Variants in MACROD2 observed in about 807,000 individuals in gnomAD.
MACROD2 encodes mono-ADP ribosylhydrolase 2.
Under a neutral mutation model 70.4 loss-of-function variants are expected in MACROD2, and 36 were observed. The observed-to-expected ratio is 0.51, with a 90% CI of 0.39 to 0.68. MACROD2 has a LOEUF of 0.68. Among genes scored for constraint, MACROD2 ranks in the 30% least tolerant of loss-of-function variants. MACROD2 has a pLI of 0.00. For synonymous variants in MACROD2, 172 were observed against 178.8 expected, an observed-to-expected ratio of 0.96 and a Z score of 0.30; for missense variants, 496 against 538.4, an observed-to-expected ratio of 0.92 and a Z score of 0.78.
At chr20:14,046,187 A>G (rs1450983181) in intron 2 of MACROD2, among the ~76,000 whole-genome samples, 2 of 152,216 alleles carry the variant, frequency 1.3e-5, no homozygotes, top group East Asian at 1.9e-4. Flanking sequence ...AACCTTTTTT[A>G]GCAGCCAGAA....
intron 8 of MACROD2, among the ~76,000 whole-genome samples, chr20:15,681,236 C>CTA (rs1734873203): frequency 6.6e-6 from 1 of 152,186 alleles, no homozygotes; most frequent in African/African-American, 2.4e-5. Flanking sequence ...ACTCTTCTAG[C>CTA]CAAGTCTTCA....
At chr20:15,403,886 C>T (rs116158017) in intron 6 of MACROD2, among the ~76,000 whole-genome samples, 2,248 of 152,288 alleles carry the variant, frequency 0.015, 45 homozygotes, top group African/African-American at 0.043. Flanking sequence ...AAAATAAATT[C>T]ATATTTGTTT....
At chr20:14,009,506 A>G (rs1298600834) in intron 2 of MACROD2, among the ~76,000 whole-genome samples, 1 of 152,184 alleles carries the variant, frequency 6.6e-6, no homozygotes, top group Non-Finnish European at 1.5e-5. Context: ...ACACTGATAC[A>G]CTGTTGGTGG....
chr20:15,482,591 A>G (rs2047112805), intron 7 of MACROD2, among the ~76,000 whole-genome samples: 1 of 152,194 alleles, frequency 6.6e-6, no homozygotes, highest in Non-Finnish European at 1.5e-5. Flanking sequence ...CCAAGGTGTG[A>G]GATTGCTGGG....
At chr20:14,524,505 A>G (rs562919903) in intron 4 of MACROD2, among the ~76,000 whole-genome samples, 179 of 147,670 alleles carry the variant, frequency 1.2e-3, no homozygotes, top group African/African-American at 4.4e-3. Flanking sequence ...TTGGAATCTC[A>G]CTTTTGTTTT....
chr20:14,627,255 GA>G (rs1984229698), intron 4 of MACROD2: 1 of 152,164 alleles, frequency 6.6e-6, no homozygotes, highest in African/African-American at 2.4e-5. Flanking sequence ...GCCTGATGAT[GA>G]TTCAAAACTA....
chr20:15,341,337 AAATT>A (rs1170879020), intron 6 of MACROD2, among the ~76,000 whole-genome samples: 2 of 152,146 alleles, frequency 1.3e-5, no homozygotes, highest in African/African-American at 2.4e-5. Context: ...AATAATTTTA[AAATT>A]AATTAACTTA....
chr20:14,226,414 TGAG>T (rs1176780579), intron 3 of MACROD2, among the ~76,000 whole-genome samples: 1 of 152,210 alleles, frequency 6.6e-6, no homozygotes, highest in Non-Finnish European at 1.5e-5. Flanking sequence ...TGGCGGCACT[TGAG>T]GAGCACTTCA....
intron 5 of MACROD2, among the ~76,000 whole-genome samples, chr20:15,013,322 A>C (rs1428967900): frequency 6.6e-6 from 1 of 152,126 alleles, no homozygotes; most frequent in African/African-American, 2.4e-5. Context: ...GAATAGTCAA[A>C]AGTAAGCCTG....
At chr20:14,276,793 G>C (rs1050445400) in intron 3 of MACROD2, among the ~76,000 whole-genome samples, 1 of 152,082 alleles carries the variant, frequency 6.6e-6, no homozygotes, top group African/African-American at 2.4e-5. Context: ...TCTGACATCT[G>C]ACATGTTGTG....
chr20:15,090,987 T>C (rs1422628445), intron 5 of MACROD2, among the ~76,000 whole-genome samples: 2 of 151,880 alleles, frequency 1.3e-5, no homozygotes, highest in East Asian at 1.9e-4. Context: ...AATGAAGAAA[T>C]AGAGAAAATA....
At chr20:14,317,333 T>A (rs776648255) in intron 3 of MACROD2, among the ~76,000 whole-genome samples, 5 of 152,108 alleles carry the variant, frequency 3.3e-5, no homozygotes, top group Non-Finnish European at 7.4e-5. Flanking sequence ...AATATCTGGA[T>A]TCCTGGGTGG....
intron 4 of MACROD2, among the ~76,000 whole-genome samples, chr20:14,588,198 T>C (rs1568685621): frequency 2.0e-5 from 3 of 152,152 alleles, no homozygotes; most frequent in Non-Finnish European, 2.9e-5. Context: ...TTTCTCCTCA[T>C]GGTTTTTCCC....
chr20:15,140,176 C>T (rs2076181170), intron 5 of MACROD2, among the ~76,000 whole-genome samples: 2 of 152,050 alleles, frequency 1.3e-5, no homozygotes, highest in African/African-American at 4.8e-5. Flanking sequence ...CCAGGTTTGC[C>T]CAGAAGAGTC....
chr20:15,414,607 G>A (rs1027119040), intron 6 of MACROD2, among the ~76,000 whole-genome samples: 1 of 152,176 alleles, frequency 6.6e-6, no homozygotes, highest in African/African-American at 2.4e-5. Flanking sequence ...ATTGTTACAA[G>A]GTACAAGTAT....
intron 8 of MACROD2, among the ~76,000 whole-genome samples, chr20:15,811,444 G>C: frequency 6.6e-6 from 1 of 152,166 alleles, no homozygotes; most frequent in Non-Finnish European, 1.5e-5. Flanking sequence ...AACAACAGGT[G>C]CTGGCCACCC....
chr20:14,440,030 C>G (rs2084104188), intron 3 of MACROD2, among the ~76,000 whole-genome samples: 1 of 152,110 alleles, frequency 6.6e-6, no homozygotes, highest in Non-Finnish European at 1.5e-5. Context: ...AGATCACTGG[C>G]AGACTTCCCA....
At chr20:15,078,675 A>G (rs2075678699) in intron 5 of MACROD2, among the ~76,000 whole-genome samples, 1 of 151,090 alleles carries the variant, frequency 6.6e-6, no homozygotes, top group Non-Finnish European at 1.5e-5. Context: ...CACTAGTTAC[A>G]TACCTCCTTT....
chr20:14,315,450 G>C (rs1303068297), intron 3 of MACROD2, among the ~76,000 whole-genome samples: 2 of 152,064 alleles, frequency 1.3e-5, no homozygotes, highest in Non-Finnish European at 2.9e-5. Context: ...GTGTCCACTA[G>C]GTTTCAAGCA....
Sources: gnomAD v4.1 joint callset for allele counts (sites outside exome capture counted in the v4.1 genomes callset) on GRCh38, gnomAD v4.1.1 for gene constraint, MANE v1.5 for transcripts, NCBI Gene and HGNC (gene_info 2026-07-23, HGNC 2026-07-21) for gene names.